Variants in TEX9 observed in about 807,000 individuals in gnomAD.
The protein encoded by TEX9 is testis-expressed protein 9.
A neutral mutation model predicts 59.6 loss-of-function variants in TEX9; 74 were observed. The observed-to-expected ratio is 1.24, with a 90% CI of 1.03 to 1.51. The LOEUF (loss-of-function observed/expected upper bound fraction) is 1.51, where lower values mean the gene tolerates loss of function less well. Among genes scored for constraint, TEX9 ranks in the 40% most tolerant of loss-of-function variants. The probability of loss-of-function intolerance (pLI) is 0.00; values close to 1 mark genes in which losing one functional copy is unlikely to be tolerated. For synonymous variants in TEX9, 186 were observed against 152.2 expected, an observed-to-expected ratio of 1.22 and a Z score of -1.64; for missense variants, 522 against 447.8, an observed-to-expected ratio of 1.17 and a Z score of -1.49.
At chr15:56,445,084 C>G (rs1272208235) in intron 12 of TEX9, among the ~76,000 whole-genome samples, 1 of 151,982 alleles carries the variant, frequency 6.6e-6, no homozygotes, top group Non-Finnish European at 1.5e-5. Context: ...AAAGATGGTA[C>G]TGCCTCTTTC....
chr15:56,388,548 A>G (rs756334269), intron 5 of TEX9, 28 bp downstream of exon 5: 34 of 1,586,822 alleles, frequency 2.1e-5, no homozygotes, highest in Non-Finnish European at 2.7e-5. Context: ...CTGTGAATGC[A>G]ATTATATTCT....
chr15:56,335,441 C>T (rs2046239650), intron 1 of TEX9, among the ~76,000 whole-genome samples: 1 of 151,468 alleles, frequency 6.6e-6, no homozygotes, highest in Admixed American at 6.6e-5. Context: ...TTGTGGGAGC[C>T]AAAAATTAAA....
chr15:56,302,987 G>C (rs1400693162), intron 1 of TEX9, among the ~76,000 whole-genome samples: 2 of 152,012 alleles, frequency 1.3e-5, no homozygotes, highest in African/African-American at 4.8e-5. Context: ...ATTATAAAGG[G>C]GTCAATTCAA....
chr15:56,334,431 C>T (rs1456115692), intron 1 of TEX9, among the ~76,000 whole-genome samples: 2 of 152,040 alleles, frequency 1.3e-5, no homozygotes, highest in Admixed American at 6.6e-5. Context: ...TTTAATAAAT[C>T]GTGCTGGAAA....
At chr15:56,267,505 T>A (rs1397751788) in intron 1 of TEX9, among the ~76,000 whole-genome samples, 1 of 152,216 alleles carries the variant, frequency 6.6e-6, no homozygotes, top group African/African-American at 2.4e-5. Context: ...AATTTTCGTA[T>A]AACGTGTAAG....
intron 1 of TEX9, among the ~76,000 whole-genome samples, chr15:56,328,509 G>T (rs1435780407): frequency 1.3e-5 from 2 of 152,062 alleles, no homozygotes; most frequent in Non-Finnish European, 2.9e-5. Flanking sequence ...CTGACTCTTG[G>T]ATGGCATTTC....
At chr15:56,453,099 G>A in the TEX9 span, among the ~76,000 whole-genome samples, 1 of 152,040 alleles carries the variant, frequency 6.6e-6, no homozygotes, top group African/African-American at 2.4e-5. Context: ...GTTTCCAGGT[G>A]AATAAATTTA....
downstream of TEX9, chr15:56,446,821 A>T: frequency 6.5e-7 from 1 of 1,548,472 alleles, no homozygotes; most frequent in Non-Finnish European, 8.9e-7. Context: ...TAAAAACATA[A>T]TGACCAGAAA....
intron 10 of TEX9, among the ~76,000 whole-genome samples, chr15:56,426,626 T>TACAC (rs1186314291): frequency 0.05 from 2,311 of 46,630 alleles, 219 homozygotes; most frequent in Middle Eastern, 0.13. Flanking sequence ...TATATATATA[T>TACAC]ACACACACAC....
At chr15:56,420,742 TG>T (rs2049940429) in intron 10 of TEX9, among the ~76,000 whole-genome samples, 1 of 152,028 alleles carries the variant, frequency 6.6e-6, no homozygotes, top group African/African-American at 2.4e-5. Context: ...TTTGATTTTT[TG>T]TATTTTCATT....
intron 1 of TEX9, among the ~76,000 whole-genome samples, chr15:56,252,892 T>A (rs995389109): frequency 6.6e-6 from 1 of 152,176 alleles, no homozygotes; most frequent in Admixed American, 6.6e-5. Flanking sequence ...GTTGTACTGA[T>A]AATTTAATGA....
intron 1 of TEX9, among the ~76,000 whole-genome samples, chr15:56,266,847 T>TG (rs1387146013): frequency 6.6e-6 from 1 of 152,216 alleles, no homozygotes; most frequent in Non-Finnish European, 1.5e-5. Flanking sequence ...TACCCAGTAA[T>TG]GGATGGCTGG....
intron 4 of TEX9, among the ~76,000 whole-genome samples, chr15:56,384,705 A>G (rs2142181735): frequency 6.6e-6 from 1 of 152,304 alleles, no homozygotes; most frequent in South Asian, 2.1e-4. Context: ...AAGGAAACTG[A>G]TATTGGAGGC....
chr15:56,425,135 T>A (rs1266077752), intron 10 of TEX9, among the ~76,000 whole-genome samples: 2 of 152,186 alleles, frequency 1.3e-5, no homozygotes, highest in Non-Finnish European at 2.9e-5. Context: ...CCCTTGCATG[T>A]GATGAGCCAT....
intron 10 of TEX9, chr15:56,421,865 A>G (rs1312210177): frequency 6.6e-6 from 1 of 151,574 alleles, no homozygotes; most frequent in Non-Finnish European, 1.5e-5. Context: ...TCAGTCTATC[A>G]TTGTTGGACA....
chr15:56,438,178 A>C (rs1213454569), intron 12 of TEX9, among the ~76,000 whole-genome samples: 2 of 152,176 alleles, frequency 1.3e-5, no homozygotes, highest in Non-Finnish European at 2.9e-5. Context: ...AGCCAAAAGA[A>C]CAAAGCTGGA....
chr15:56,338,453 G>A lies in TEX9; in HGVS notation c.-106-34988G>A, dbSNP rs1338165565. Among the ~76,000 whole-genome samples, 10 of 152,310 alleles carry A rather than the reference G, an allele frequency of 6.6e-5. No individual in the cohort carries two copies. The East Asian group carries it at 1.9e-3, about 29-fold the overall frequency. On this transcript the variant is annotated intron_variant, in intron 1 of 5. Transcript: ENST00000560827. ...TAGGACTAGTGAATCTCATGGTCACGGATCCACTGCCACAACTTATTTGTA... is the reference window on the plus strand; with the variant it reads ...TAGGACTAGTGAATCTCATGGTCACAGATCCACTGCCACAACTTATTTGTA...
intron 3 of TEX9, among the ~76,000 whole-genome samples, chr15:56,374,984 A>T (rs1329459559): frequency 6.6e-6 from 1 of 152,156 alleles, no homozygotes; most frequent in Non-Finnish European, 1.5e-5. Context: ...GATCTTGGCT[A>T]TTGTGAACAG....
downstream of TEX9, chr15:56,446,903 A>T (rs1304898136): frequency 1.9e-6 from 3 of 1,610,018 alleles, no homozygotes; most frequent in African/African-American, 4.0e-5. Flanking sequence ...TTATTCATGT[A>T]AGCTGCTTTT....
Sources: gnomAD v4.1 joint callset for allele counts (sites outside exome capture counted in the v4.1 genomes callset) on GRCh38, gnomAD v4.1.1 for gene constraint, MANE v1.5 for transcripts, NCBI Gene and HGNC (gene_info 2026-07-23, HGNC 2026-07-21) for gene names.